Variants in LRFN5 observed in about 807,000 individuals in gnomAD.
LRFN5 encodes leucine-rich repeat and fibronectin type-III domain-containing protein 5.
LRFN5 carries 24 observed loss-of-function variants against 45.6 expected under a neutral mutation model. The ratio of observed to expected loss-of-function variants is 0.53; its 90% confidence interval spans 0.38 to 0.74. The LOEUF is 0.74. LRFN5 is among the 30% of genes least tolerant of loss of function. The pLI is 0.00. For synonymous variants in LRFN5, 340 were observed against 313.8 expected (o/e 1.08, Z -0.88); for missense variants, 776 against 861.5 (o/e 0.90, Z 1.24).
intron 2 of LRFN5, among the ~76,000 whole-genome samples, chr14:41,873,809 C>A (rs1171652235): frequency 6.6e-6 from 1 of 152,118 alleles, no homozygotes. Flanking sequence ...TGCTTTACTA[C>A]TGTGTTTCTT....
intron 1 of LRFN5, among the ~76,000 whole-genome samples, chr14:41,673,210 C>T (rs948357460): frequency 2.6e-5 from 4 of 152,024 alleles, no homozygotes; most frequent in South Asian, 2.1e-4. Flanking sequence ...CATCATGGCC[C>T]GTTCTCAATG....
intron 1 of LRFN5, among the ~76,000 whole-genome samples, chr14:41,710,548 T>C (rs138222076): frequency 2.2e-4 from 33 of 152,190 alleles, no homozygotes; most frequent in African/African-American, 7.2e-4. Flanking sequence ...TTGTTATAAC[T>C]AACAAGATTT....
intron 1 of LRFN5, among the ~76,000 whole-genome samples, chr14:41,612,735 TG>T: frequency 6.6e-6 from 1 of 152,244 alleles, no homozygotes; most frequent in East Asian, 1.9e-4. Context: ...GGTATGTGCA[TG>T]GTGAAATTAA....
intron 1 of LRFN5, among the ~76,000 whole-genome samples, 168 bp downstream of exon 1, chr14:41,608,730 G>A (rs1188029806): frequency 6.6e-6 from 1 of 152,216 alleles, no homozygotes; most frequent in African/African-American, 2.4e-5. Context: ...TTTCTAGTAG[G>A]TGAAATATAA....
At chr14:41,708,899 T>C (rs1431499260) in intron 1 of LRFN5, among the ~76,000 whole-genome samples, 1 of 152,020 alleles carries the variant, frequency 6.6e-6, no homozygotes, top group African/African-American at 2.4e-5. Context: ...TCTTAAGAAT[T>C]GAGCTTTCAT....
At chr14:41,756,294 T>C (rs905940748) in intron 1 of LRFN5, among the ~76,000 whole-genome samples, 21 of 152,210 alleles carry the variant, frequency 1.4e-4, no homozygotes, top group Non-Finnish European at 2.6e-4. Flanking sequence ...CTGTATTTAC[T>C]GAATTTGAAT....
intron 1 of LRFN5, among the ~76,000 whole-genome samples, chr14:41,648,699 A>G (rs1879939668): frequency 6.6e-6 from 1 of 151,944 alleles, no homozygotes; most frequent in Non-Finnish European, 1.5e-5. Flanking sequence ...ACTTTTCCCA[A>G]AACTCTTTAA....
chr14:41,621,302 A>G (rs1006918312), intron 1 of LRFN5, among the ~76,000 whole-genome samples: 2 of 152,174 alleles, frequency 1.3e-5, no homozygotes, highest in African/African-American at 4.8e-5. Flanking sequence ...TTCAAAGCCC[A>G]TAACACAAAA....
intron 2 of LRFN5, among the ~76,000 whole-genome samples, chr14:41,815,295 C>T (rs951019026): frequency 6.6e-6 from 1 of 151,864 alleles, no homozygotes; most frequent in African/African-American, 2.4e-5. Context: ...GTGTAATGCC[C>T]CTCTTTATAT....
chr14:41,799,296 A>G (rs1168373357), intron 2 of LRFN5, among the ~76,000 whole-genome samples: 4 of 152,014 alleles, frequency 2.6e-5, no homozygotes, highest in African/African-American at 9.7e-5. Flanking sequence ...GTTGTTTTTT[A>G]GGAAAATCTT....
intron 1 of LRFN5, among the ~76,000 whole-genome samples, chr14:41,714,156 G>A (rs905873919): frequency 4.6e-5 from 7 of 152,078 alleles, no homozygotes; most frequent in African/African-American, 1.7e-4. Context: ...GAAAACATAA[G>A]ATTTTTAAAA....
At chr14:41,694,850 TTAA>T (rs1434335653) in intron 1 of LRFN5, among the ~76,000 whole-genome samples, 2 of 151,934 alleles carry the variant, frequency 1.3e-5, no homozygotes, top group African/African-American at 4.8e-5. Context: ...ATAAGGCCAA[TTAA>T]TAACTCTACA....
chr14:41,804,423 A>G (rs1427235325), intron 2 of LRFN5, among the ~76,000 whole-genome samples: 1 of 152,086 alleles, frequency 6.6e-6, no homozygotes, highest in Non-Finnish European at 1.5e-5. Context: ...GCTAATCTTA[A>G]TTTCTACAAT....
intron 2 of LRFN5, among the ~76,000 whole-genome samples, chr14:41,830,549 G>A (rs1418720061): frequency 1.3e-5 from 2 of 152,046 alleles, no homozygotes; most frequent in Non-Finnish European, 2.9e-5. Context: ...GTGTTGATCA[G>A]GAAAGCAGAG....
chr14:41,735,531 C>T (rs1181156103), intron 1 of LRFN5, among the ~76,000 whole-genome samples: 1 of 152,148 alleles, frequency 6.6e-6, no homozygotes, highest in Non-Finnish European at 1.5e-5. Context: ...GTCAGCCCCC[C>T]CACGTGCTGG....
intron 1 of LRFN5, among the ~76,000 whole-genome samples, chr14:41,737,691 T>C (rs1422084962): frequency 6.6e-6 from 1 of 152,164 alleles, no homozygotes; most frequent in Non-Finnish European, 1.5e-5. Context: ...ATCACAAGCA[T>C]TCCTATGCAC....
rs143931494 is a variant in LRFN5 at position 41,853,249 on chromosome 14, TACA to T, written c.-20-33352_-20-33350del. On this transcript the variant is annotated intron_variant, in intron 2 of 5. Coordinates refer to ENST00000298119, the MANE Select transcript of LRFN5 (RefSeq NM_152447.5). ...AATGCATATTTTATTCATTAATTTATACAACAAGTGCCACCTTAGAGCTAATAG... is the reference window on the plus strand; with the variant it reads ...AATGCATATTTTATTCATTAATTTATACAAGTGCCACCTTAGAGCTAATAG... Among the ~76,000 whole-genome samples the T allele has an allele frequency of 1.6e-3, 248 of 152,158 alleles. 5 individuals carry two copies. In the East Asian group the frequency reaches 0.045, roughly 28 times the overall value.
Position 41,630,302 on chromosome 14 carries a change from T to A in LRFN5, c.-197+21740T>A, listed in dbSNP as rs193264357. ...TTAAATCACTTTAGGGCAAAGACTTTTTTTCAGTTTTGTAGATACCTGTCT... is the reference window on the plus strand; with the variant it reads ...TTAAATCACTTTAGGGCAAAGACTTATTTTCAGTTTTGTAGATACCTGTCT... On this transcript the variant is annotated intron_variant, in intron 1 of 5. Transcript: ENST00000298119. 9.7e-4 allele frequency among the ~76,000 whole-genome samples: 147 copies of A among 152,296 alleles called. 1 individual carries two copies. Among genetic ancestry groups the A allele is most frequent in the Non-Finnish European group, 1.9e-3 (127 of 68,000 alleles).
chr14:41,818,558 A>AT (rs1888000654), intron 2 of LRFN5, among the ~76,000 whole-genome samples: 1 of 151,934 alleles, frequency 6.6e-6, no homozygotes, highest in African/African-American at 2.4e-5. Context: ...CAAGTGATAT[A>AT]TGCCATCACA....
Sources: gnomAD v4.1 joint callset for allele counts (sites outside exome capture counted in the v4.1 genomes callset) on GRCh38, gnomAD v4.1.1 for gene constraint, MANE v1.5 for transcripts, NCBI Gene and HGNC (gene_info 2026-07-23, HGNC 2026-07-21) for gene names.